The following KHDRBS2 variants were observed in gnomAD, a reference collection of about 807,000 sequenced individuals.
The protein encoded by KHDRBS2 is KH RNA binding domain containing, signal transduction associated 2, also known as KH domain-containing, RNA-binding, signal transduction-associated protein 2.
KHDRBS2 carries 26 observed loss-of-function variants against 44.3 expected under a neutral mutation model. The ratio of observed to expected loss-of-function variants is 0.59; its 90% CI spans 0.43 to 0.81. KHDRBS2 has a LOEUF of 0.81. Among genes scored for constraint, KHDRBS2 ranks in the 40% least tolerant of loss-of-function variants. KHDRBS2 has a pLI of 0.00. For missense variants in KHDRBS2, 476 were observed against 433.1 expected (o/e 1.10, Z -0.88); for synonymous variants, 194 against 151.1 (o/e 1.28, Z -2.08).
chr6:62,163,916 T>C (rs1056874285), intron 2 of KHDRBS2, among the ~76,000 whole-genome samples: 6 of 152,076 alleles, frequency 3.9e-5, no homozygotes, highest in Admixed American at 3.3e-4. Flanking sequence ...AGGTCCCAGG[T>C]TTAAGGACTA....
intron 1 of KHDRBS2, among the ~76,000 whole-genome samples, chr6:62,267,517 C>G (rs1839396509): frequency 6.6e-6 from 1 of 152,000 alleles, no homozygotes. Flanking sequence ...TCAAAACAAA[C>G]TTGGACAATC....
intron 2 of KHDRBS2, among the ~76,000 whole-genome samples, chr6:62,109,931 G>T (rs1302600208): frequency 3.3e-5 from 5 of 151,668 alleles, no homozygotes; most frequent in African/African-American, 1.2e-4. Flanking sequence ...ACTTCTAAAA[G>T]AAGACATAGG....
At chr6:61,899,679 C>A (rs1205756259) in intron 5 of KHDRBS2, among the ~76,000 whole-genome samples, 1 of 150,198 alleles carries the variant, frequency 6.7e-6, no homozygotes, top group African/African-American at 2.4e-5. Context: ...AAAGCAAAAT[C>A]TATTACTATG....
At chr6:61,702,319 T>C (rs1025744992) in intron 7 of KHDRBS2, among the ~76,000 whole-genome samples, 5 of 151,956 alleles carry the variant, frequency 3.3e-5, no homozygotes, top group Admixed American at 2.6e-4. Flanking sequence ...TAGAGTAACT[T>C]TGGACTCATG....
chr6:61,728,575 A>C (rs1019171025), intron 7 of KHDRBS2, among the ~76,000 whole-genome samples: 3 of 152,232 alleles, frequency 2.0e-5, no homozygotes, highest in African/African-American at 7.2e-5. Flanking sequence ...ATCAAATCAT[A>C]GAATGAAACA....
chr6:62,058,326 T>A (rs186614886), intron 2 of KHDRBS2, among the ~76,000 whole-genome samples: 2 of 152,032 alleles, frequency 1.3e-5, no homozygotes, highest in African/African-American at 4.8e-5. Flanking sequence ...AATTCCATCA[T>A]TCGTTGATAC....
intron 2 of KHDRBS2, among the ~76,000 whole-genome samples, chr6:62,143,100 T>A (rs189668330): frequency 1.4e-4 from 21 of 152,032 alleles, no homozygotes; most frequent in African/African-American, 5.1e-4. Flanking sequence ...TATAACATAA[T>A]TGACTTATTC....
intron 4 of KHDRBS2, among the ~76,000 whole-genome samples, chr6:61,975,228 A>T (rs1278158481): frequency 6.6e-6 from 1 of 152,132 alleles, no homozygotes; most frequent in African/African-American, 2.4e-5. Flanking sequence ...GAAGAAGGTA[A>T]AAAGTCCTAC....
At chr6:61,869,974 T>TC (rs76495122) in intron 6 of KHDRBS2, among the ~76,000 whole-genome samples, 6 of 148,268 alleles carry the variant, frequency 4.0e-5, no homozygotes, top group Non-Finnish European at 5.9e-5. Flanking sequence ...GTTTTTTTTT[T>TC]TTTTTTTTTT....
chr6:61,565,255 G>A, the KHDRBS2 span, among the ~76,000 whole-genome samples: 18 of 152,152 alleles, frequency 1.2e-4, no homozygotes, highest in Non-Finnish European at 2.5e-4. Flanking sequence ...CATTGATGTG[G>A]CAAATGATTT....
chr6:62,187,812 C>T (rs1314516510), intron 1 of KHDRBS2, among the ~76,000 whole-genome samples: 2 of 151,988 alleles, frequency 1.3e-5, no homozygotes, highest in African/African-American at 4.8e-5. Context: ...ATTGTAAGTA[C>T]TATGTTGCAC....
At chr6:61,991,844 A>C (rs1776190696) in intron 3 of KHDRBS2, among the ~76,000 whole-genome samples, 2 of 152,192 alleles carry the variant, frequency 1.3e-5, no homozygotes, top group African/African-American at 4.8e-5. Context: ...AAAGACTACA[A>C]AGGCTGCTGA....
intron 7 of KHDRBS2, among the ~76,000 whole-genome samples, chr6:61,711,862 T>C (rs1770561538): frequency 6.6e-6 from 1 of 151,974 alleles, no homozygotes; most frequent in African/African-American, 2.4e-5. Context: ...AGTTTGTTAC[T>C]GGTATAGTAA....
chr6:62,115,158 A>G (rs1805914206), intron 2 of KHDRBS2, among the ~76,000 whole-genome samples: 1 of 152,204 alleles, frequency 6.6e-6, no homozygotes, highest in Non-Finnish European at 1.5e-5. Flanking sequence ...ATGTTTTCAT[A>G]GCTGTCTGAT....
chr6:61,792,579 T>A (rs564743557), intron 6 of KHDRBS2, among the ~76,000 whole-genome samples: 5 of 150,836 alleles, frequency 3.3e-5, no homozygotes, highest in South Asian at 2.1e-4. Context: ...AGAGTGATAG[T>A]TTTTTTTTAC....
chr6:62,059,217 T>TTG (rs1562749107), intron 2 of KHDRBS2, among the ~76,000 whole-genome samples: 3 of 128,614 alleles, frequency 2.3e-5, no homozygotes, highest in Non-Finnish European at 5.0e-5. Context: ...TTTTTTTTTT[T>TTG]TTTTTTTTTT....
At chr6:61,978,248 C>A in intron 3 of KHDRBS2, 36 bp from the exon 4 acceptor site, 1 of 1,528,964 alleles carries the variant, frequency 6.5e-7, no homozygotes, top group Middle Eastern at 1.7e-4. Context: ...TACAAATCCA[C>A]TCATTTTACA....
intron 2 of KHDRBS2, 73 bp from the exon 3 acceptor site, chr6:62,048,067 T>G: frequency 1.1e-6 from 1 of 898,566 alleles, no homozygotes. Flanking sequence ...GAGTAATTGA[T>G]AGGTTATAGG....
At chr6:61,554,076 A>T in the KHDRBS2 span, among the ~76,000 whole-genome samples, 17 of 152,062 alleles carry the variant, frequency 1.1e-4, no homozygotes, top group Non-Finnish European at 2.4e-4. Context: ...TGCCTCAATG[A>T]TCGTCTTATA....
Sources: allele counts gnomAD v4.1 joint callset (sites outside exome capture counted in the v4.1 genomes callset), GRCh38; gene constraint gnomAD v4.1.1; transcripts MANE v1.5; gene names NCBI Gene and HGNC (gene_info 2026-07-23, HGNC 2026-07-21).